The following WDR37 variants were observed in gnomAD, a reference collection of about 807,000 sequenced individuals.
The protein encoded by WDR37 is WD repeat-containing protein 37.
WDR37 carries 19 observed loss-of-function variants against 62.9 expected under a neutral mutation model. The observed-to-expected ratio is 0.30, with a 90% CI of 0.21 to 0.44. The LOEUF is 0.44. Among genes scored for constraint, WDR37 ranks in the 20% least tolerant of loss-of-function variants. The pLI, the probability that WDR37 is intolerant of heterozygous loss-of-function variation, is 1.00. For missense variants in WDR37, 474 were observed against 657.6 expected, an observed-to-expected ratio of 0.72 and a Z score of 3.05; for synonymous variants, 250 against 260.9, an observed-to-expected ratio of 0.96 and a Z score of 0.40.
chr10:1,080,327 C>T, intron 4 of WDR37, 85 bp from the exon 5 acceptor site: 1 of 1,558,796 alleles, frequency 6.4e-7, no homozygotes, highest in Non-Finnish European at 8.8e-7. Context: ...CCCCTTTCTT[C>T]CTGTGCAAGA....
intron 9 of WDR37, among the ~76,000 whole-genome samples, chr10:1,099,962 T>C (rs532191848): frequency 1.6e-5 from 2 of 125,508 alleles, no homozygotes; most frequent in Non-Finnish European, 3.6e-5. Flanking sequence ...GCACTGATGG[T>C]GGGCGTGGTG....
rs1227932644 is a variant in WDR37 at position 1,121,632 on chromosome 10, C to G, written c.1104-2586C>G. ...GGTTTCCAGTTGGGCAGTTTCCCCC[C>G]AGGAGACAGTGTTTGTTGTCACCCC... On this transcript the variant is annotated intron_variant, in intron 11 of 13. Transcript: ENST00000263150. The surrounding 1 kb of genome is among the most constrained non-coding windows in gnomAD (Gnocchi z 4.5). Among the ~76,000 whole-genome samples the G allele has an allele frequency of 6.6e-6, 1 of 152,188 alleles. No individual in the cohort carries two copies. Among genetic ancestry groups the G allele is most frequent in the African/African-American group, 2.4e-5 (1 of 41,440 alleles).
Position 1,092,179 on chromosome 10 carries a change from C to CA in WDR37, c.605-1254dup, listed in dbSNP as rs1216415362. ...TGGGAGACACAGCGAGACTCCGTCT[C>CA]AAAAAAAAAAAAAAAAAAAGAAAAT... On this transcript the variant is annotated intron_variant, in intron 7 of 13. Transcript: ENST00000263150. 2.4e-3 allele frequency among the ~76,000 whole-genome samples: 165 copies of CA among 68,700 alleles called. 1 individual carries two copies. Among genetic ancestry groups the CA allele is most frequent in the Non-Finnish European group, 3.0e-3 (106 of 35,508 alleles). 45.1% of individuals were successfully genotyped at this position (68,700 alleles called of 152,430 possible).
chr10:1,107,053 G>A (rs1005466009), intron 11 of WDR37, among the ~76,000 whole-genome samples: 1 of 152,214 alleles, frequency 6.6e-6, no homozygotes, highest in Admixed American at 6.5e-5. Context: ...GTCAGTGGCT[G>A]AACGCAGCAC....
intron 5 of WDR37, 111 bp from the exon 6 acceptor site, chr10:1,084,292 C>G (rs1402274520): frequency 7.4e-7 from 1 of 1,359,258 alleles, no homozygotes; most frequent in Non-Finnish European, 1.0e-6. Flanking sequence ...TTTAACTGTC[C>G]TAGTCAGTGA....
At chr10:1,128,995 A>G (rs1421644928) in intron 13 of WDR37, among the ~76,000 whole-genome samples, 1 of 139,034 alleles carries the variant, frequency 7.2e-6, no homozygotes. Flanking sequence ...TGGCCCATGC[A>G]CGGTGGTCCA....
chr10:1,104,883 T>C (rs1238618345), intron 10 of WDR37, among the ~76,000 whole-genome samples: 1 of 152,244 alleles, frequency 6.6e-6, no homozygotes, highest in Non-Finnish European at 1.5e-5. Context: ...TTCTAACTGG[T>C]AGGGTCAGAA....
Position 1,072,302 on chromosome 10 carries a change from C to T in WDR37, c.138+9C>T, listed in dbSNP as rs1231120679. 31 of 1,612,812 alleles carry T rather than the reference C, an allele frequency of 1.9e-5. No individual in the cohort carries two copies. The highest frequency in any genetic ancestry group is 1.6e-4 in the Middle Eastern group (1 of 6,074). On this transcript the variant is annotated intron_variant, in intron 2 of 13. Coordinates refer to ENST00000263150, the MANE Select transcript of WDR37 (RefSeq NM_014023.4). ...ACATGTTAGAAGGACAAGTAAGCTA[C>T]GATTGATTAGGGCCTTATTGATTGA... is the stretch of plus-strand genomic sequence containing the variant.
At position 1,124,978 on chromosome 10, in the gene WDR37, A is replaced by C; in HGVS notation, c.1307A>C (p.Asp436Ala). Residue 436 changes from aspartate to alanine, a missense_variant, in exon 13 of 14, where the codon GAT becomes GCT. Asp to Ala is a moderately radical substitution (Grantham distance 126, BLOSUM62 -2). Transcript: ENST00000263150. ...GACAACCGACAAGTGAGACTGTTTG[A>C]TATGTCAGGAGTGCGCCTGGCGCGG... ...PHDNRQVRLF[D>A]MSGVRLARLP... The C allele has an allele frequency of 6.2e-7, 1 of 1,614,192 alleles. No individual in the cohort carries two copies. The highest frequency in any genetic ancestry group is 8.5e-7 in the Non-Finnish European group (1 of 1,180,034).
chr10:1,105,005 T>C lies in WDR37; in HGVS notation c.962-121T>C, dbSNP rs1279043259. The C allele has an allele frequency of 1.9e-5, 23 of 1,218,720 alleles. No individual in the cohort carries two copies. The highest frequency in any genetic ancestry group is 2.3e-5 in the Non-Finnish European group (21 of 898,206). The allele number at this position is 1,218,720 out of a possible 1,614,324, so 75.5% of individuals were successfully genotyped here. A position where few individuals can be genotyped will look rare whatever the true frequency, so the allele number is the denominator to read the frequency against. ...TGTGACCCACATGCTGCTGAGTGATTCCATTAGGTCAGGTTCACAGTCTCA... is the reference window on the plus strand; with the variant it reads ...TGTGACCCACATGCTGCTGAGTGATCCCATTAGGTCAGGTTCACAGTCTCA... On this transcript the variant is annotated intron_variant, in intron 10 of 13. Coordinates refer to ENST00000263150, the MANE Select transcript of WDR37 (RefSeq NM_014023.4). This position sits in a 1 kb window ranked among gnomAD's most constrained non-coding sequence, Gnocchi z 5.3.
At chr10:1,127,463 G>A (rs1250458721) in intron 13 of WDR37, among the ~76,000 whole-genome samples, 1 of 150,500 alleles carries the variant, frequency 6.6e-6, no homozygotes, top group Non-Finnish European at 1.5e-5. Flanking sequence ...GGAAATCACT[G>A]ACTTATATTG....
chr10:1,058,612 A>G (rs1833275246), intron 1 of WDR37, among the ~76,000 whole-genome samples: 1 of 152,204 alleles, frequency 6.6e-6, no homozygotes, highest in African/African-American at 2.4e-5. Flanking sequence ...GATTAATGGT[A>G]TTTCCTAATT....
intron 1 of WDR37, among the ~76,000 whole-genome samples, chr10:1,068,914 T>G (rs1045282131): frequency 1.3e-5 from 2 of 152,246 alleles, no homozygotes; most frequent in Admixed American, 6.5e-5. Context: ...ATCGTTGTGC[T>G]AAGTGAAAGA....
At chr10:1,099,604 T>C (rs1039710191) in intron 9 of WDR37, among the ~76,000 whole-genome samples, 11 of 152,372 alleles carry the variant, frequency 7.2e-5, no homozygotes, top group Admixed American at 3.3e-4. Context: ...CTTTGTGGAA[T>C]TGCCAGACTA....
intron 11 of WDR37, among the ~76,000 whole-genome samples, chr10:1,111,424 T>C (rs1450880203): frequency 6.6e-6 from 1 of 152,232 alleles, no homozygotes; most frequent in African/African-American, 2.4e-5. Context: ...CCCCATACTT[T>C]TACTTGCATT....
intron 2 of WDR37, among the ~76,000 whole-genome samples, chr10:1,072,827 C>T (rs1331276833): frequency 4.6e-5 from 7 of 152,074 alleles, no homozygotes; most frequent in Non-Finnish European, 8.8e-5. Flanking sequence ...AATAACAAAT[C>T]AAAGTGGGTA....
At chr10:1,060,325 A>G (rs901407951) in intron 1 of WDR37, among the ~76,000 whole-genome samples, 5 of 152,214 alleles carry the variant, frequency 3.3e-5, no homozygotes, top group African/African-American at 1.2e-4. Context: ...ACGGCAACAT[A>G]TACTAAGGGC....
Position 1,069,848 on chromosome 10 carries a change from A to G in WDR37, c.-40-2268A>G, listed in dbSNP as rs114243020. Among the ~76,000 whole-genome samples the G allele has an allele frequency of 2.5e-3, 381 of 152,338 alleles. 2 individuals carry two copies. The highest frequency in any genetic ancestry group is 8.8e-3 in the African/African-American group (364 of 41,574). On this transcript the variant is annotated intron_variant, in intron 1 of 13. Transcript: ENST00000263150. ...ACAGATTGTACTGTAATGATGTAAG[A>G]TGTAACCACTGGGGAAATATGGACC...
intron 11 of WDR37, among the ~76,000 whole-genome samples, chr10:1,108,746 C>T (rs1402576968): frequency 7.2e-6 from 1 of 139,738 alleles, no homozygotes; most frequent in Non-Finnish European, 1.6e-5. Flanking sequence ...GATGCCCCCC[C>T]CCCCCGTGGA....
Sources: allele counts gnomAD v4.1 joint callset (sites outside exome capture counted in the v4.1 genomes callset), GRCh38; gene constraint gnomAD v4.1.1; non-coding constraint Gnocchi (gnomAD v3.1); transcripts MANE v1.5; gene names NCBI Gene and HGNC (gene_info 2026-07-23, HGNC 2026-07-21).